Variants in ANKRD33B observed in about 807,000 individuals in gnomAD.
ANKRD33B encodes ankyrin repeat domain 33B.
In ANKRD33B, 6 loss-of-function variants were observed where a neutral mutation model predicts 21.5. The observed-to-expected ratio is 0.28, with a 90% confidence interval of 0.15 to 0.55. The LOEUF is 0.55. ANKRD33B is among the 20% of genes least tolerant of loss of function. The probability of loss-of-function intolerance (pLI) is 0.94; values close to 1 mark genes in which losing one functional copy is unlikely to be tolerated. For synonymous variants in ANKRD33B, 347 were observed against 342.4 expected (o/e 1.01, Z -0.15); for missense variants, 698 against 747.2 (o/e 0.93, Z 0.77).
At position 10,650,877 on chromosome 5, in the gene ANKRD33B, G is replaced by A. The variant is rs907208709; in HGVS notation, c.*764G>A. ...ATTGCTAGAATTAAACTCATTTTAA[G>A]CAAGGGGTTTTAGGTAAACTGGATA... On this transcript the variant is annotated 3_prime_UTR_variant, in exon 4 of 4. Transcript: ENST00000296657. 6.6e-6 allele frequency: 1 copy of A among 152,334 alleles called. No homozygotes were observed. The highest frequency in any genetic ancestry group is 1.5e-5 in the Non-Finnish European group (1 of 68,028). 9.4% of individuals were successfully genotyped at this position (152,334 alleles called of 1,614,324 possible). A position where few individuals can be genotyped will look rare whatever the true frequency, so the allele number is the denominator to read the frequency against.
chr5:10,642,761 T>G (rs926316884), intron 3 of ANKRD33B, among the ~76,000 whole-genome samples: 1 of 152,206 alleles, frequency 6.6e-6, no homozygotes, highest in Non-Finnish European at 1.5e-5. Context: ...ATCTGTTAAG[T>G]GAATGAAAAA....
Position 10,650,150 on chromosome 5 carries a change from C to CCGGGG in ANKRD33B, c.*44_*48dup, listed in dbSNP as rs1176895894. 10 of 1,442,968 alleles carry CCGGGG rather than the reference C, an allele frequency of 6.9e-6. No individual in the cohort carries two copies. Among genetic ancestry groups the CCGGGG allele is most frequent in the Non-Finnish European group, 8.2e-6 (9 of 1,103,180 alleles). 89.4% of individuals were successfully genotyped at this position (1,442,968 alleles called of 1,614,324 possible). On this transcript the variant is annotated 3_prime_UTR_variant, in exon 4 of 4. Coordinates refer to ENST00000296657, the MANE Select transcript of ANKRD33B (RefSeq NM_001164440.2). Reference sequence around the variant, plus strand: ...CCTGGCGCTGGGGCCGGGGCTGGGGCCGGGGCGGGGCCGCAGGGCTGGGCG... The same window carrying CCGGGG: ...CCTGGCGCTGGGGCCGGGGCTGGGGCCGGGGCGGGGCGGGGCCGCAGGGCTGGGCG...
chr5:10,645,491 G>T (rs1737171269), intron 3 of ANKRD33B, among the ~76,000 whole-genome samples: 1 of 152,258 alleles, frequency 6.6e-6, no homozygotes, highest in East Asian at 1.9e-4. Flanking sequence ...AATGTTTTTG[G>T]CTGCAAGTAA....
rs942133366 is a variant in ANKRD33B at position 10,649,586 on chromosome 5, G to T, written c.958G>T (p.Val320Leu). ...GACCACGAGCCTCTACAGCCCCGCC[G>T]TGGCCATCGTGTGCCAGACCGTGTG... ...RMTTSLYSPA[V>L]AIVCQTVCPE... Residue 320 changes from valine to leucine, a missense_variant, in exon 4 of 4, where the codon GTG becomes TTG. By Grantham distance (32) the Val-to-Leu change is conservative (BLOSUM62 1). Around this residue, in one of 3 missense-constraint regions of ANKRD33B, gnomAD observed 543 missense variants for 566.5 expected, o/e 0.96. Transcript: ENST00000296657. 11 of 1,528,514 alleles carry T rather than the reference G, an allele frequency of 7.2e-6. No homozygotes were observed. The Admixed American group carries it at 2.2e-4, about 30-fold the overall frequency. 94.7% of individuals were successfully genotyped at this position (1,528,514 alleles called of 1,614,324 possible). A position where few individuals can be genotyped will look rare whatever the true frequency, so the allele number is the denominator to read the frequency against.
chr5:10,616,191 C>T (rs1736278991), intron 1 of ANKRD33B, among the ~76,000 whole-genome samples: 1 of 152,114 alleles, frequency 6.6e-6, no homozygotes, highest in African/African-American at 2.4e-5. Flanking sequence ...TAATATTCTT[C>T]TGTGGGGCAA....
At chr5:10,625,582 G>A (rs983727962) in intron 2 of ANKRD33B, among the ~76,000 whole-genome samples, 1 of 152,232 alleles carries the variant, frequency 6.6e-6, no homozygotes, top group Non-Finnish European at 1.5e-5. Flanking sequence ...CTCATGCCCG[G>A]TTCCCCACCA....
Position 10,650,501 on chromosome 5 carries a change from GT to G in ANKRD33B, c.*392del, listed in dbSNP as rs141963763. On this transcript the variant is annotated 3_prime_UTR_variant, in exon 4 of 4. Coordinates refer to ENST00000296657, the MANE Select transcript of ANKRD33B (RefSeq NM_001164440.2). ...GATAGGGCCCCTTATATCCAAGGCA[GT>G]TTTAATACACTTGCCTGAAGACCTT... 80 of 156,168 alleles carry G rather than the reference GT, an allele frequency of 5.1e-4. No homozygotes were observed. The East Asian group carries it at 0.013, about 26-fold the overall frequency. The allele number at this position is 156,168 out of a possible 1,614,324, so 9.7% of individuals were successfully genotyped here.
At chr5:10,622,399 A>G (rs1250159746) in intron 2 of ANKRD33B, among the ~76,000 whole-genome samples, 1 of 152,184 alleles carries the variant, frequency 6.6e-6, no homozygotes, top group Admixed American at 6.5e-5. Flanking sequence ...CCTAAGTAAA[A>G]GCCCATATTT....
chr5:10,591,715 A>G (rs966861061), intron 1 of ANKRD33B, among the ~76,000 whole-genome samples: 3 of 152,102 alleles, frequency 2.0e-5, no homozygotes, highest in African/African-American at 7.2e-5. Flanking sequence ...ACATGTATTT[A>G]CTGGCTTTTT....
intron 3 of ANKRD33B, among the ~76,000 whole-genome samples, chr5:10,645,679 C>A (rs528313948): frequency 6.6e-6 from 1 of 152,162 alleles, no homozygotes; most frequent in Non-Finnish European, 1.5e-5. Context: ...CTTGATTCCA[C>A]GAGAATCACC....
rs35736152 is a variant in ANKRD33B, at chr5:10,636,437, TC to T, written c.497-1588del. On this transcript the variant is annotated intron_variant, in intron 2 of 3. Coordinates refer to ENST00000296657, the MANE Select transcript of ANKRD33B (RefSeq NM_001164440.2). ...GACCAGCCTCGGCAACGTTGGGAGATCCCATCTCTACAAAAAAAAATTTTTT... is the reference window on the plus strand; with the variant it reads ...GACCAGCCTCGGCAACGTTGGGAGATCCATCTCTACAAAAAAAAATTTTTT... Among the ~76,000 whole-genome samples, 227 of 148,340 alleles carry T rather than the reference TC, an allele frequency of 1.5e-3. 1 individual carries two copies. Among genetic ancestry groups the T allele is most frequent in the Non-Finnish European group, 2.8e-3 (190 of 66,756 alleles).
chr5:10,637,275 A>G (rs954403911), intron 2 of ANKRD33B, among the ~76,000 whole-genome samples: 1 of 152,154 alleles, frequency 6.6e-6, no homozygotes, highest in African/African-American at 2.4e-5. Flanking sequence ...CGTGCCTGGG[A>G]ATGAGCAGAA....
rs141060586 is a variant in ANKRD33B at position 10,589,318 on chromosome 5, C to G, written c.366+24485C>G. On this transcript the variant is annotated intron_variant, in intron 1 of 3. Coordinates refer to ENST00000296657, the MANE Select transcript of ANKRD33B (RefSeq NM_001164440.2). ...GCCAGGGGTGCTGTCCTCTTCCTTC[C>G]AGACCTGTGAGTAGTAAACTTGATT... 8.5e-4 allele frequency among the ~76,000 whole-genome samples: 129 copies of G among 152,262 alleles called. No individual in the cohort carries two copies. The East Asian group carries it at 0.024, about 28-fold the overall frequency.
rs1056953871 is a variant in ANKRD33B, at chr5:10,649,448, G to A, written c.820G>A (p.Ala274Thr). 8 of 1,534,984 alleles carry A rather than the reference G, an allele frequency of 5.2e-6. No homozygotes were observed. The highest frequency in any genetic ancestry group is 1.4e-5 in the African/African-American group (1 of 72,966). Residue 274 changes from alanine to threonine, a missense_variant, in exon 4 of 4, where the codon GCG (alanine) becomes ACG (threonine). This residue lies in a region of ANKRD33B where 543 missense variants were observed against 566.5 expected (regional missense o/e 0.96). Transcript: ENST00000296657. ...PPPPEAARKPAGSKNCLQRLT... is the reference protein window; with the variant it reads ...PPPPEAARKPTGSKNCLQRLT... ...GCCCCCTGAAGCGGCGCGGAAGCCC[G>A]CGGGCTCCAAGAACTGCCTGCAGAG... is the stretch of plus-strand genomic sequence containing the variant.
intron 1 of ANKRD33B, among the ~76,000 whole-genome samples, chr5:10,573,768 A>G (rs1195962678): frequency 6.6e-6 from 1 of 152,208 alleles, no homozygotes; most frequent in African/African-American, 2.4e-5. Context: ...CTATCATGAG[A>G]ACAGCAAGGG....
chr5:10,613,691 G>A (rs1375847661), intron 1 of ANKRD33B, among the ~76,000 whole-genome samples: 1 of 151,964 alleles, frequency 6.6e-6, no homozygotes, highest in Non-Finnish European at 1.5e-5. Context: ...ACAAGGTCAC[G>A]AGATTGAAAA....
intron 1 of ANKRD33B, among the ~76,000 whole-genome samples, chr5:10,568,002 G>T (rs914573774): frequency 3.9e-5 from 6 of 152,172 alleles, no homozygotes; most frequent in Admixed American, 6.5e-5. Flanking sequence ...CTTCATCTCT[G>T]GGCATTTAAG....
chr5:10,564,907 C>A, intron 1 of ANKRD33B, 74 bp downstream of exon 1: 2 of 1,430,186 alleles, frequency 1.4e-6, no homozygotes, highest in Non-Finnish European at 1.8e-6. Flanking sequence ...CATCCCCGCG[C>A]CTCCCAGCTC....
In ANKRD33B at chr5:10,614,240, G is replaced by A. The variant is rs962746214; in HGVS notation, c.367-4093G>A. Among the ~76,000 whole-genome samples the A allele has an allele frequency of 6.1e-4, 93 of 152,060 alleles. 1 individual carries two copies. Among genetic ancestry groups the A allele is most frequent in the African/African-American group, 2.1e-3 (87 of 41,392 alleles). ...TAAAGTCTTCAGCTGATTGGATGAGGCCCACTCACATGACGGAGGGCATCT... is the reference window on the plus strand; with the variant it reads ...TAAAGTCTTCAGCTGATTGGATGAGACCCACTCACATGACGGAGGGCATCT... On this transcript the variant is annotated intron_variant, in intron 1 of 3. Transcript: ENST00000296657.
Sources: gnomAD v4.1 joint callset for allele counts (sites outside exome capture counted in the v4.1 genomes callset) on GRCh38, gnomAD v4.1.1 for gene constraint, gnomAD v4.1.1 regional missense constraint, MANE v1.5 for transcripts, NCBI Gene and HGNC (gene_info 2026-07-23, HGNC 2026-07-21) for gene names.